UBR4: variants seen among roughly 807,000 people sequenced by gnomAD.
UBR4 encodes E3 ubiquitin-protein ligase UBR4.
A neutral mutation model predicts 575.6 loss-of-function variants in UBR4; 124 were observed. That is an observed-to-expected ratio of 0.22 (90% CI 0.19 to 0.25). UBR4 has a LOEUF of 0.25. Among genes scored for constraint, UBR4 ranks in the 10% least tolerant of loss-of-function variants. UBR4 has a pLI of 1.00. For missense variants in UBR4, 4,818 were observed against 6,478.8 expected (o/e 0.74, Z 8.80); for synonymous variants, 2,455 against 2,473.7 (o/e 0.99, Z 0.22).
At chr1:19,091,892 G>T (rs1378180205) in intron 97 of UBR4, among the ~76,000 whole-genome samples, 2 of 151,522 alleles carry the variant, frequency 1.3e-5, no homozygotes, top group African/African-American at 4.9e-5. Context: ...ATAAATAACA[G>T]CCAAAAACTG....
intron 11 of UBR4, among the ~76,000 whole-genome samples, chr1:19,188,738 CAGG>C (rs1190658866): frequency 6.6e-6 from 1 of 152,136 alleles, no homozygotes; most frequent in East Asian, 1.9e-4. Flanking sequence ...GAGGCCAAGG[CAGG>C]AGGATTGCTT....
chr1:19,147,926 A>G, intron 51 of UBR4, 67 bp downstream of exon 51: 1 of 1,574,290 alleles, frequency 6.4e-7, no homozygotes, highest in African/African-American at 1.3e-5. Context: ...GTTGCTTTAC[A>G]ATGAAAAGCT....
chr1:19,095,688 CATGAGAGT>C, intron 92 of UBR4, 36 bp from the exon 93 acceptor site: 1 of 1,599,308 alleles, frequency 6.3e-7, no homozygotes, highest in Non-Finnish European at 8.6e-7. Context: ...CATGAGGCCA[CATGAGAGT>C]GTAGGACATG....
intron 49 of UBR4, among the ~76,000 whole-genome samples, chr1:19,150,118 A>T (rs2085455109): frequency 6.6e-6 from 1 of 152,156 alleles, no homozygotes; most frequent in Non-Finnish European, 1.5e-5. Flanking sequence ...GAAACTCTAG[A>T]CTCTGCTACA....
chr1:19,082,328 TAAAG>T, intron 102 of UBR4: 1 of 153,334 alleles, frequency 6.5e-6, no homozygotes, highest in East Asian at 1.9e-4. Flanking sequence ...ATCCCAATTT[TAAAG>T]AAACAGAAAA....
chr1:19,086,342 G>T, intron 100 of UBR4, 72 bp from the exon 101 acceptor site: 1 of 438,436 alleles, frequency 2.3e-6, no homozygotes, highest in Non-Finnish European at 4.2e-6. Flanking sequence ...GGGCGGGGGG[G>T]CGGGGGTGGG....
At chr1:19,184,630 T>C (rs185614852) in intron 15 of UBR4, among the ~76,000 whole-genome samples, 111 of 152,306 alleles carry the variant, frequency 7.3e-4, no homozygotes, top group Non-Finnish European at 1.4e-3. Context: ...CTGTAAGCTA[T>C]ATATATGAAG....
Position 19,210,202 on chromosome 1 carries a change from G to A in UBR4, c.47C>T (p.Pro16Leu), listed in dbSNP as rs1373101560. The change falls in exon 1 of 106, where the codon CCG becomes CTG. Residue 16 changes from proline (P) to leucine (L), a missense_variant. Physicochemically the swap from Pro to Leu is moderately conservative, Grantham distance 98. Around this residue, in one of 29 missense-constraint regions of UBR4, gnomAD observed 95 missense variants for 87.7 expected, o/e 1.08. Coordinates refer to ENST00000375254, the MANE Select transcript of UBR4 (RefSeq NM_020765.3). ...GTCCGCCCCCGTTGCCGGGGTCCCC[G>A]GCGCCGGAGCCGCTGCCGCCGCCTC... ...GEEAAAAAPAPGTPATGADTT... is the reference protein window; with the variant it reads ...GEEAAAAAPALGTPATGADTT... 21 of 1,466,964 alleles carry A rather than the reference G, an allele frequency of 1.4e-5. No homozygotes were observed. The Admixed American group carries it at 3.6e-4, about 25-fold the overall frequency. 90.9% of individuals were successfully genotyped at this position (1,466,964 alleles called of 1,614,324 possible).
At position 19,077,903 on chromosome 1, in the gene UBR4, CAG is replaced by C. The variant is rs1441282184; in HGVS notation, c.15324+71_15324+72del. The C allele has an allele frequency of 9.3e-6, 15 of 1,610,846 alleles. No homozygotes were observed. The Admixed American group carries it at 2.3e-4, about 25-fold the overall frequency. ...AGGAGCAGCCATGTGGGTGCTGAGG[CAG>C]AGTCAGGGACAGGAGTGCAGACATT... On this transcript the variant is annotated intron_variant, in intron 104 of 105. Coordinates refer to ENST00000375254, the MANE Select transcript of UBR4 (RefSeq NM_020765.3).
rs187229418 is a variant in UBR4 at position 19,104,049 on chromosome 1, A to G, written c.12901+35T>C. The G allele has an allele frequency of 5.7e-4, 921 of 1,607,388 alleles. 5 individuals carry two copies. The African/African-American group carries it at 9.2e-3, about 16-fold the overall frequency. ...GCACCTCGGCAGCCCCAGAAGGGACAGTGCCTTAGGCTCCAGGCCACTGGG... is the reference window on the plus strand; with the variant it reads ...GCACCTCGGCAGCCCCAGAAGGGACGGTGCCTTAGGCTCCAGGCCACTGGG... On this transcript the variant is annotated intron_variant, in intron 87 of 105. Coordinates refer to ENST00000375254, the MANE Select transcript of UBR4 (RefSeq NM_020765.3).
chr1:19,136,355 C>T (rs1473549419), intron 60 of UBR4, among the ~76,000 whole-genome samples: 1 of 152,136 alleles, frequency 6.6e-6, no homozygotes, highest in African/African-American at 2.4e-5. Flanking sequence ...AAAGTTAAAA[C>T]ACACAAAGGA....
At position 19,115,568 on chromosome 1, in the gene UBR4, C is replaced by A; in HGVS notation, c.10893G>T (p.Leu3631=). 1 of 1,614,186 alleles carries A rather than the reference C, an allele frequency of 6.2e-7. No homozygotes were observed. Among genetic ancestry groups the A allele is most frequent in the Non-Finnish European group, 8.5e-7 (1 of 1,180,026 alleles). ...TPGQTEVKID[L]PLPIVASNLM... ...GATTGGAGGCCACAATGGGCAACGG[C>A]AGGTCAATCTTCACCTCTGTCTGTC... Residue 3631 remains leucine, a synonymous_variant, in exon 74 of 106, where the codon CTG becomes CTT. Transcript: ENST00000375254.
intron 44 of UBR4, among the ~76,000 whole-genome samples, chr1:19,154,408 G>A (rs796901702): frequency 6.6e-6 from 1 of 152,192 alleles, no homozygotes; most frequent in African/African-American, 2.4e-5. Flanking sequence ...GACACCATAA[G>A]CCTCTTCTTC....
At chr1:19,127,167 T>G (rs981357330) in intron 63 of UBR4, among the ~76,000 whole-genome samples, 2 of 152,180 alleles carry the variant, frequency 1.3e-5, no homozygotes, top group African/African-American at 4.8e-5. Flanking sequence ...TAGAAGAGCC[T>G]TGCAAATCCC....
chr1:19,168,398 G>A (rs2088875509), intron 27 of UBR4, among the ~76,000 whole-genome samples: 1 of 152,184 alleles, frequency 6.6e-6, no homozygotes, highest in Admixed American at 6.5e-5. Context: ...ACAGTTAAAT[G>A]CAACGAATAT....
intron 105 of UBR4, chr1:19,075,442 T>C (rs563238898): frequency 8.5e-5 from 14 of 163,928 alleles, no homozygotes; most frequent in African/African-American, 2.9e-4. Flanking sequence ...CCAGCCCACC[T>C]GGTCCCAGGG....
intron 71 of UBR4, 173 bp from the exon 72 acceptor site, chr1:19,118,083 C>A (rs1376955742): frequency 1.4e-5 from 8 of 578,526 alleles, no homozygotes; most frequent in South Asian, 2.1e-5. Context: ...GGTTACGAAG[C>A]CACAGGAAAG....
Position 19,093,865 on chromosome 1 carries a change from AGAG to A in UBR4, c.13937+81_13937+83del, listed in dbSNP as rs2077768905. 6.9e-7 allele frequency: 1 copy of A among 1,451,670 alleles called. No individual in the cohort carries two copies. The highest frequency in any genetic ancestry group is 1.4e-5 in the African/African-American group (1 of 70,632). The allele number at this position is 1,451,670 out of a possible 1,614,324, so 89.9% of individuals were successfully genotyped here. The stretch of plus-strand genomic sequence containing the variant: ...GGACACAAAAATCTAATAGGTATTC[AGAG>A]GATTCTTCCTCATCTCACAGACCTA... On this transcript the variant is annotated intron_variant, in intron 95 of 105. Coordinates refer to ENST00000375254, the MANE Select transcript of UBR4 (RefSeq NM_020765.3). The surrounding 1 kb of genome is among the most constrained non-coding windows in gnomAD (Gnocchi z 4.8).
At chr1:19,164,473 A>G in intron 32 of UBR4, 32 bp from the exon 33 acceptor site, 1 of 1,590,544 alleles carries the variant, frequency 6.3e-7, no homozygotes, top group East Asian at 2.3e-5. Context: ...GTTGGTGAAT[A>G]ATCAACAGGA....
Sources: gnomAD v4.1 joint callset for allele counts (sites outside exome capture counted in the v4.1 genomes callset) on GRCh38, gnomAD v4.1.1 for gene constraint, gnomAD v4.1.1 regional missense constraint, Gnocchi (gnomAD v3.1) non-coding constraint, MANE v1.5 for transcripts, NCBI Gene and HGNC (gene_info 2026-07-23, HGNC 2026-07-21) for gene names.